Variants in CDHR5 observed in about 807,000 individuals in gnomAD.
CDHR5 encodes the protein cadherin-related family member 5.
In CDHR5, 82 loss-of-function variants were observed where a neutral mutation model predicts 69.5. The ratio of observed to expected loss-of-function variants is 1.18; its 90% confidence interval spans 0.99 to 1.42. CDHR5 has a LOEUF of 1.42. Ranked by LOEUF, CDHR5 falls within the 40% of genes most tolerant of loss-of-function variation. The pLI is 0.00. For synonymous variants in CDHR5, 601 were observed against 510.2 expected, an observed-to-expected ratio of 1.18 and a Z score of -2.40; for missense variants, 1,293 against 1,168.9, an observed-to-expected ratio of 1.11 and a Z score of -1.55.
chr11:616,950 TC>T lies in CDHR5; in HGVS notation c.*400del. ...CTCCCCAGGCAATCTCTGTGTAGGGTCGGGAGCGGGAGGTCTGAGATGAGCC... is the reference window on the plus strand; with the variant it reads ...CTCCCCAGGCAATCTCTGTGTAGGGTGGGAGCGGGAGGTCTGAGATGAGCC... On this transcript the variant is annotated 3_prime_UTR_variant, in exon 15 of 15. Transcript: ENST00000397542. 3.8e-5 allele frequency: 8 copies of T among 208,852 alleles called. No individual in the cohort carries two copies. The highest frequency in any genetic ancestry group is 1.1e-4 in the South Asian group (1 of 9,232). 12.9% of individuals were successfully genotyped at this position (208,852 alleles called of 1,614,324 possible). A position where few individuals can be genotyped will look rare whatever the true frequency, so the allele number is the denominator to read the frequency against.
At position 617,203 on chromosome 11, in the gene CDHR5, G is replaced by C; in HGVS notation, c.*148C>G. 1 of 638,232 alleles carries C rather than the reference G, an allele frequency of 1.6e-6. No homozygotes were observed. The highest frequency in any genetic ancestry group is 2.8e-6 in the Non-Finnish European group (1 of 358,432). The allele number at this position is 638,232 out of a possible 1,614,324, so 39.5% of individuals were successfully genotyped here. A position where few individuals can be genotyped will look rare whatever the true frequency, so the allele number is the denominator to read the frequency against. ...CAAGCGCTAATGACGACAGGGGACTGAGTGAATGGGACCCCCATGGACCCG... is the reference window on the plus strand; with the variant it reads ...CAAGCGCTAATGACGACAGGGGACTCAGTGAATGGGACCCCCATGGACCCG... On this transcript the variant is annotated 3_prime_UTR_variant, in exon 15 of 15. Coordinates refer to ENST00000397542, the MANE Select transcript of CDHR5 (RefSeq NM_021924.5).
rs370688839 is a variant in CDHR5, at chr11:621,926, C to G, written c.313-22G>C. The G allele has an allele frequency of 6.3e-7, 1 of 1,590,764 alleles. No individual in the cohort carries two copies. The highest frequency in any genetic ancestry group is 1.3e-5 in the African/African-American group (1 of 74,608). ...TCACCTGCAGGATGTGGCCGTCAGCCTCTCCCACAGCCCCTCCCCGTTGTG... is the reference window on the plus strand; with the variant it reads ...TCACCTGCAGGATGTGGCCGTCAGCGTCTCCCACAGCCCCTCCCCGTTGTG... On this transcript the variant is annotated intron_variant, in intron 3 of 14. Transcript: ENST00000397542. This position sits in a 1 kb window ranked among gnomAD's most constrained non-coding sequence, Gnocchi z 4.4.
In CDHR5 at chr11:621,707, T is replaced by C. The variant is rs757655602; in HGVS notation, c.406-44A>G. 1.3e-6 allele frequency: 2 copies of C among 1,555,166 alleles called. No individual in the cohort carries two copies. The highest frequency in any genetic ancestry group is 1.8e-6 in the Non-Finnish European group (2 of 1,127,346). On this transcript the variant is annotated intron_variant, in intron 4 of 14. Coordinates refer to ENST00000397542, the MANE Select transcript of CDHR5 (RefSeq NM_021924.5). The surrounding 1 kb of genome is among the most constrained non-coding windows in gnomAD (Gnocchi z 4.4). ...TTGGTCCGGCCACACTCTTGGCCCC[T>C]GTGGACCCCCACTGTGGTTGAGCCC...
At position 619,293 on chromosome 11, in the gene CDHR5, G is replaced by A. The variant is rs188137471; in HGVS notation, c.1378+13C>T. ...GGAGAACCCTGGGGGCTCACCTGTG[G>A]AGGGGGGCTTACCTGTGGAGGGGGG... On this transcript the variant is annotated intron_variant, in intron 12 of 14. Transcript: ENST00000397542. The A allele has an allele frequency of 2.0e-5, 31 of 1,586,262 alleles. No homozygotes were observed. The highest frequency in any genetic ancestry group is 4.0e-5 in the African/African-American group (3 of 74,336).
Position 618,655 on chromosome 11 carries a change from G to A in CDHR5, c.1904C>T (p.Thr635Ile). ...CGGCTGAGAGGTTCCTGGCTCTGGGGTCTGTGCTGTGCCCCCACCGGGTGT... is the reference window on the plus strand; with the variant it reads ...CGGCTGAGAGGTTCCTGGCTCTGGGATCTGTGCTGTGCCCCCACCGGGTGT... ...PTTPGGGTAQ[T>I]PEPGTSQPMP... Residue 635 changes from threonine to isoleucine, a missense_variant, in exon 13 of 15, where the codon ACC becomes ATC. Thr to Ile is a moderately conservative substitution (Grantham distance 89). Coordinates refer to ENST00000397542, the MANE Select transcript of CDHR5 (RefSeq NM_021924.5). The A allele has an allele frequency of 6.3e-7, 1 of 1,592,326 alleles. No individual in the cohort carries two copies. The highest frequency in any genetic ancestry group is 8.6e-7 in the Non-Finnish European group (1 of 1,167,446).
chr11:624,161 G>C lies in CDHR5; in HGVS notation c.312+52C>G. On this transcript the variant is annotated intron_variant, in intron 3 of 14. Transcript: ENST00000397542. The surrounding 1 kb of genome is among the most constrained non-coding windows in gnomAD (Gnocchi z 5.3). ...AGACTGGTCCTGGACCGGCAGGGCAGAGCCCAGCAGAGGTGGCCGGGTGGG... is the reference window on the plus strand; with the variant it reads ...AGACTGGTCCTGGACCGGCAGGGCACAGCCCAGCAGAGGTGGCCGGGTGGG... 4 of 729,402 alleles carry C rather than the reference G, an allele frequency of 5.5e-6. No homozygotes were observed. Among genetic ancestry groups the C allele is most frequent in the Non-Finnish European group, 1.0e-5 (4 of 392,878 alleles). The allele number at this position is 729,402 out of a possible 1,614,324, so 45.2% of individuals were successfully genotyped here.
At position 624,215 on chromosome 11, in the gene CDHR5, A is replaced by T. The variant is rs752464199; in HGVS notation, c.310T>A (p.Leu104Met). ...AQLLCQSGGTLVTQLRVFVSV... is the reference protein window; with the variant it reads ...AQLLCQSGGTMVTQLRVFVSV... Reference sequence around the variant, plus strand: ...GGGAGAGCGGGGCGGGGACTCACCAATGTGCCTCCGCTCTGACACAGCAGC... The same window carrying T: ...GGGAGAGCGGGGCGGGGACTCACCATTGTGCCTCCGCTCTGACACAGCAGC... Residue 104 changes from leucine (L) to methionine (M), a missense_variant and splice_region_variant, in exon 3 of 15, where the codon TTG (leucine) becomes ATG (methionine). Leu to Met is a conservative substitution (Grantham distance 15). Transcript: ENST00000397542. This position sits in a 1 kb window ranked among gnomAD's most constrained non-coding sequence, Gnocchi z 5.3. 5.2e-6 allele frequency: 4 copies of T among 764,332 alleles called. No homozygotes were observed. Among genetic ancestry groups the T allele is most frequent in the Non-Finnish European group, 7.3e-6 (3 of 410,930 alleles). The allele number at this position is 764,332 out of a possible 1,614,324, so 47.3% of individuals were successfully genotyped here. A position where few individuals can be genotyped will look rare whatever the true frequency, so the allele number is the denominator to read the frequency against.
At chr11:623,591 C>T (rs1273105811) in intron 3 of CDHR5, among the ~76,000 whole-genome samples, 3 of 151,862 alleles carry the variant, frequency 2.0e-5, no homozygotes, top group Non-Finnish European at 4.4e-5. Flanking sequence ...CTGGCGGGAG[C>T]CCTGAGGCTG....
rs528407107 is a variant in CDHR5 at position 622,862 on chromosome 11, C to T, written c.313-958G>A. On this transcript the variant is annotated intron_variant, in intron 3 of 14. Coordinates refer to ENST00000397542, the MANE Select transcript of CDHR5 (RefSeq NM_021924.5). ...TTTCTACCTCAAATGTCCAGGATGC[C>T]ACATTCCCCGTGGTCTCTGAAGGGT... 4.5e-3 allele frequency among the ~76,000 whole-genome samples: 680 copies of T among 152,236 alleles called. 12 individuals carry two copies. Among genetic ancestry groups the T allele is most frequent in the Non-Finnish European group, 2.6e-3 (177 of 68,014 alleles).
In CDHR5 at chr11:621,106, C is replaced by T. The variant is rs1420673313; in HGVS notation, c.763G>A (p.Gly255Arg). 1.3e-5 allele frequency: 20 copies of T among 1,564,796 alleles called. No individual in the cohort carries two copies. In the Middle Eastern group the frequency reaches 8.6e-4, roughly 67 times the overall value. Residue 255 changes from glycine to arginine, a missense_variant, in exon 7 of 15, where the codon GGG (glycine) becomes AGG (arginine). By Grantham distance (125) the Gly-to-Arg change is moderately radical. Coordinates refer to ENST00000397542, the MANE Select transcript of CDHR5 (RefSeq NM_021924.5). This position sits in a 1 kb window ranked among gnomAD's most constrained non-coding sequence, Gnocchi z 4.4. ...AGTATGTGCCCCGTGGGGACAGCCCCGTGGTACTGAGCTTGAATGCAGACG... is the reference window on the plus strand; with the variant it reads ...AGTATGTGCCCCGTGGGGACAGCCCTGTGGTACTGAGCTTGAATGCAGACG... ...GYVCIQAQYH[G>R]AVPTGHILPS...
Position 621,964 on chromosome 11 carries a change from C to T in CDHR5, c.313-60G>A, listed in dbSNP as rs1287885807. ...CCTCCCCGTTGTGAGGTGCACCCCT[C>T]GACGGCTATCCGTCCCCACCGTGAG... On this transcript the variant is annotated intron_variant, in intron 3 of 14. Transcript: ENST00000397542. This position sits in a 1 kb window ranked among gnomAD's most constrained non-coding sequence, Gnocchi z 4.4. 2.4e-5 allele frequency: 32 copies of T among 1,350,862 alleles called. No homozygotes were observed. The highest frequency in any genetic ancestry group is 2.9e-5 in the Non-Finnish European group (28 of 961,200). 83.7% of individuals were successfully genotyped at this position (1,350,862 alleles called of 1,614,324 possible).
rs767907064 is a variant in CDHR5, at chr11:620,125, C to T, written c.920G>A (p.Gly307Asp). 2 of 1,613,322 alleles carry T rather than the reference C, an allele frequency of 1.2e-6. No individual in the cohort carries two copies. Among genetic ancestry groups the T allele is most frequent in the African/African-American group, 1.3e-5 (1 of 74,884 alleles). ...NGTFIIHPDS[G>D]NLTVARSVPS... Reference sequence around the variant, plus strand: ...GACACTCCTGGCCACGGTGAGGTTGCCCGAGTCTGGGTGGATGATGAATGT... The same window carrying T: ...GACACTCCTGGCCACGGTGAGGTTGTCCGAGTCTGGGTGGATGATGAATGT... The change falls in exon 9 of 15, where the codon GGC (glycine) becomes GAC (aspartate). Residue 307 changes from glycine (G) to aspartate (D), a missense_variant. By Grantham distance (94) the Gly-to-Asp change is moderately conservative. Coordinates refer to ENST00000397542, the MANE Select transcript of CDHR5 (RefSeq NM_021924.5).
In CDHR5 at chr11:624,142, G is replaced by C. The variant is rs902998569; in HGVS notation, c.312+71C>G. On this transcript the variant is annotated intron_variant, in intron 3 of 14. Transcript: ENST00000397542. The surrounding 1 kb of genome is among the most constrained non-coding windows in gnomAD (Gnocchi z 5.3). ...CCCTAGCTGACGTCATCAAAGACTG[G>C]TCCTGGACCGGCAGGGCAGAGCCCA... 1 of 716,642 alleles carries C rather than the reference G, an allele frequency of 1.4e-6. No individual in the cohort carries two copies. Among genetic ancestry groups the C allele is most frequent in the African/African-American group, 1.7e-5 (1 of 57,756 alleles). The allele number at this position is 716,642 out of a possible 1,614,324, so 44.4% of individuals were successfully genotyped here.
Position 621,005 on chromosome 11 carries a change from C to T in CDHR5, c.789+75G>A. Reference sequence around the variant, plus strand: ...CTGACCCCGACCCCGCCCTTCCTCTCCTGATCCTGGCCGTCCCTGTGTCCA... The same window carrying T: ...CTGACCCCGACCCCGCCCTTCCTCTTCTGATCCTGGCCGTCCCTGTGTCCA... On this transcript the variant is annotated intron_variant, in intron 7 of 14. Coordinates refer to ENST00000397542, the MANE Select transcript of CDHR5 (RefSeq NM_021924.5). This position sits in a 1 kb window ranked among gnomAD's most constrained non-coding sequence, Gnocchi z 4.4. 1.1e-6 allele frequency: 1 copy of T among 906,060 alleles called. No homozygotes were observed. The allele number at this position is 906,060 out of a possible 1,614,324, so 56.1% of individuals were successfully genotyped here. A position where few individuals can be genotyped will look rare whatever the true frequency, so the allele number is the denominator to read the frequency against.
chr11:621,774 A>AC lies in CDHR5; in HGVS notation c.405+37dup, dbSNP rs1564899586. ...TCCTGCCCTCACCCTGGGCTCCCAC[A>AC]CCCCCGTGCCCAGTCCCCGCGGCTT... On this transcript the variant is annotated intron_variant, in intron 4 of 14. Coordinates refer to ENST00000397542, the MANE Select transcript of CDHR5 (RefSeq NM_021924.5). This position sits in a 1 kb window ranked among gnomAD's most constrained non-coding sequence, Gnocchi z 4.4. The AC allele has an allele frequency of 6.3e-7, 1 of 1,581,900 alleles. No homozygotes were observed. Among genetic ancestry groups the AC allele is most frequent in the South Asian group, 1.1e-5 (1 of 89,822 alleles).
At position 621,229 on chromosome 11, in the gene CDHR5, C is replaced by G; in HGVS notation, c.640G>C (p.Glu214Gln). The change falls in exon 7 of 15, where the codon GAA (glutamate) becomes CAA (glutamine). Residue 214 changes from glutamate (E) to glutamine (Q), a missense_variant. Coordinates refer to ENST00000397542, the MANE Select transcript of CDHR5 (RefSeq NM_021924.5). This position sits in a 1 kb window ranked among gnomAD's most constrained non-coding sequence, Gnocchi z 4.4. ...GTGGCGGTGGCAGTGTGGCTGGGTTCCACATTCTCCCCCGGAGTGTCCTGC... is the reference window on the plus strand; with the variant it reads ...GTGGCGGTGGCAGTGTGGCTGGGTTGCACATTCTCCCCCGGAGTGTCCTGC... ...LVRDTPGENV[E>Q]PSHTATATLV... 6.3e-7 allele frequency: 1 copy of G among 1,596,634 alleles called. No homozygotes were observed. The highest frequency in any genetic ancestry group is 8.5e-7 in the Non-Finnish European group (1 of 1,169,926).
chr11:617,164 T>A lies in CDHR5; in HGVS notation c.*187A>T. ...GCGTGGCCAGACCCACCGCCTCATC[T>A]GCACACCTGGGCTCAAGCGCTAATG... On this transcript the variant is annotated 3_prime_UTR_variant, in exon 15 of 15. Coordinates refer to ENST00000397542, the MANE Select transcript of CDHR5 (RefSeq NM_021924.5). The A allele has an allele frequency of 1.7e-6, 1 of 601,270 alleles. No homozygotes were observed. The highest frequency in any genetic ancestry group is 2.1e-5 in the South Asian group (1 of 47,942). 37.2% of individuals were successfully genotyped at this position (601,270 alleles called of 1,614,324 possible).
intron 3 of CDHR5, among the ~76,000 whole-genome samples, chr11:622,396 G>A (rs1230877721): frequency 1.3e-5 from 2 of 152,038 alleles, no homozygotes; most frequent in South Asian, 2.1e-4. Flanking sequence ...TCTCAGGTGA[G>A]GAAAGACAAT....
chr11:617,969 GC>G lies in CDHR5; in HGVS notation c.2102del (p.Cys701SerfsTer74), dbSNP rs1857076771. On this transcript the variant is annotated frameshift_variant, in exon 14 of 15. Transcript: ENST00000397542. LOFTEE classifies it low-confidence loss of function (END_TRUNC). ...HKHYGPRLKC[C>X]CGKAPEPQPQ... is the part of the protein sequence containing the mutation. ...TGGGCCTCACCGGAGCTTTGCCACA[GC>G]AGCACTTGAGCCGGGGGCCATAGTG... The G allele has an allele frequency of 7.4e-6, 12 of 1,611,680 alleles. No individual in the cohort carries two copies. The highest frequency in any genetic ancestry group is 1.0e-5 in the Non-Finnish European group (12 of 1,179,702).
Sources: gnomAD v4.1 joint callset for allele counts (sites outside exome capture counted in the v4.1 genomes callset) on GRCh38, gnomAD v4.1.1 for gene constraint, Gnocchi (gnomAD v3.1) non-coding constraint, MANE v1.5 for transcripts, NCBI Gene and HGNC (gene_info 2026-07-23, HGNC 2026-07-21) for gene names.